Variants in STPG2 observed in about 807,000 individuals in gnomAD.
STPG2 encodes the protein sperm tail PG-rich repeat containing 2.
A neutral mutation model predicts 54.2 loss-of-function variants in STPG2; 56 were observed. The ratio of observed to expected loss-of-function variants is 1.03; its 90% CI spans 0.83 to 1.29. The LOEUF is 1.29. Among genes scored for constraint, STPG2 ranks in the 50% most tolerant of loss-of-function variants. The pLI is 0.00. For missense variants in STPG2, 596 were observed against 544.9 expected (o/e 1.09, Z -0.93); for synonymous variants, 200 against 181.8 (o/e 1.10, Z -0.81).
chr4:98,025,925 C>T (rs1736405885), intron 5 of STPG2: 6 of 1,486,336 alleles, frequency 4.0e-6, no homozygotes, highest in Non-Finnish European at 1.9e-6. Flanking sequence ...CAAATGATTC[C>T]CTGGTTATGA....
chr4:97,762,551 A>G (rs1466258718), intron 9 of STPG2, among the ~76,000 whole-genome samples: 1 of 152,144 alleles, frequency 6.6e-6, no homozygotes, highest in Non-Finnish European at 1.5e-5. Context: ...CACTTACTTC[A>G]ATTATGGGAC....
chr4:97,448,378 T>C (rs1347333513), intron 4 of STPG2, among the ~76,000 whole-genome samples: 1 of 152,114 alleles, frequency 6.6e-6, no homozygotes, highest in East Asian at 1.9e-4. Context: ...AATGATATGG[T>C]TTGGCTCTGT....
intron 7 of STPG2, among the ~76,000 whole-genome samples, chr4:97,963,678 T>C (rs907268789): frequency 2.6e-5 from 4 of 151,422 alleles, no homozygotes; most frequent in Admixed American, 1.3e-4. Flanking sequence ...TAAATACATA[T>C]ATATGTATTT....
chr4:98,016,264 C>G (rs1175505981), intron 5 of STPG2, among the ~76,000 whole-genome samples: 1 of 152,090 alleles, frequency 6.6e-6, no homozygotes, highest in African/African-American at 2.4e-5. Flanking sequence ...TGTGTTTAAT[C>G]TATTTTAGGC....
rs552858676 is a variant in STPG2 at position 97,784,880 on chromosome 4, G to A, written c.1204+55893C>T. On this transcript the variant is annotated intron_variant, in intron 9 of 10. Coordinates refer to ENST00000295268, the MANE Select transcript of STPG2 (RefSeq NM_174952.3). Reference sequence around the variant, plus strand: ...TGCTAATAAAGATGTACCTGAGACTGAGAAGTCTTATGAGAATTACATCTA... The same window carrying A: ...TGCTAATAAAGATGTACCTGAGACTAAGAAGTCTTATGAGAATTACATCTA... Among the ~76,000 whole-genome samples, 29 of 152,136 alleles carry A rather than the reference G, an allele frequency of 1.9e-4. 1 individual carries two copies. Among genetic ancestry groups the A allele is most frequent in the Middle Eastern group, 3.4e-3 (1 of 292 alleles).
Position 97,612,388 on chromosome 4 carries a change from C to CA in STPG2, c.1321-53272dup, listed in dbSNP as rs201516526. On this transcript the variant is annotated intron_variant, in intron 10 of 10. Transcript: ENST00000295268. Reference sequence around the variant, plus strand: ...ATAACCATTCTAGAAAATAATTCAGCAAAAAAAAGAAAACAAATTGGCAAT... The same window carrying CA: ...ATAACCATTCTAGAAAATAATTCAGCAAAAAAAAAGAAAACAAATTGGCAAT... Among the ~76,000 whole-genome samples the CA allele has an allele frequency of 2.1e-3, 317 of 151,402 alleles. 1 individual carries two copies. Among genetic ancestry groups the CA allele is most frequent in the African/African-American group, 7.2e-3 (299 of 41,314 alleles).
At chr4:97,888,141 C>T (rs1253745928) in intron 8 of STPG2, among the ~76,000 whole-genome samples, 1 of 152,180 alleles carries the variant, frequency 6.6e-6, no homozygotes, top group African/African-American at 2.4e-5. Flanking sequence ...CAAAGGGAAC[C>T]CCTACTAGGG....
At chr4:98,118,057 T>A (rs746150113) in intron 3 of STPG2, among the ~76,000 whole-genome samples, 23 of 152,188 alleles carry the variant, frequency 1.5e-4, no homozygotes, top group Non-Finnish European at 2.6e-4. Flanking sequence ...TCAGAATTCC[T>A]ACCCTGAGGG....
chr4:98,119,765 G>A (rs1219996955), intron 3 of STPG2, among the ~76,000 whole-genome samples: 6 of 151,946 alleles, frequency 3.9e-5, no homozygotes, highest in Non-Finnish European at 7.4e-5. Flanking sequence ...ATGGGCCCCA[G>A]TGTGTGTTGT....
At chr4:97,895,528 G>A (rs994183906) in intron 8 of STPG2, among the ~76,000 whole-genome samples, 1 of 151,694 alleles carries the variant, frequency 6.6e-6, no homozygotes, top group Non-Finnish European at 1.5e-5. Flanking sequence ...CATAGCAATG[G>A]TTTGCATGAT....
At chr4:98,025,929 G>T in intron 5 of STPG2, 1 of 1,478,028 alleles carries the variant, frequency 6.8e-7, no homozygotes. Context: ...TGATTCCCTG[G>T]TTATGATTCT....
intron 8 of STPG2, among the ~76,000 whole-genome samples, chr4:97,897,721 G>T (rs761268798): frequency 1.1e-4 from 16 of 152,046 alleles, no homozygotes; most frequent in Non-Finnish European, 1.6e-4. Flanking sequence ...AAAAGTGTGT[G>T]TTCACATCCT....
chr4:97,592,529 A>C (rs1290291169), intron 10 of STPG2, among the ~76,000 whole-genome samples: 4 of 152,140 alleles, frequency 2.6e-5, no homozygotes, highest in African/African-American at 4.8e-5. Context: ...AATTTAACTC[A>C]GGCAGATTCA....
At chr4:98,136,604 A>G (rs1008933826) in intron 1 of STPG2, among the ~76,000 whole-genome samples, 4 of 151,784 alleles carry the variant, frequency 2.6e-5, no homozygotes, top group African/African-American at 9.7e-5. Flanking sequence ...AAGTTGAATC[A>G]TCATAAGTAA....
chr4:97,568,988 G>A (rs139887451), intron 10 of STPG2, among the ~76,000 whole-genome samples: 9 of 151,856 alleles, frequency 5.9e-5, no homozygotes, highest in African/African-American at 1.9e-4. Context: ...CTTGGGCATC[G>A]TGCAAGAAAG....
intron 8 of STPG2, among the ~76,000 whole-genome samples, chr4:97,896,711 T>C (rs1424939691): frequency 4.0e-5 from 6 of 151,778 alleles, no homozygotes; most frequent in Admixed American, 3.9e-4. Flanking sequence ...AATATTTTTA[T>C]ATTTTGTAAA....
rs115238039 is a variant in STPG2, at chr4:97,691,130, C to T, written c.1320+21569G>A. On this transcript the variant is annotated intron_variant, in intron 10 of 10. Coordinates refer to ENST00000295268, the MANE Select transcript of STPG2 (RefSeq NM_174952.3). ...TGAACTTTTTCTCCAAGAACTACCA[C>T]AGGAAGCTATCAGGAAAACTGAGAG... Among the ~76,000 whole-genome samples the T allele has an allele frequency of 6.1e-3, 927 of 152,258 alleles. 12 individuals are homozygous for T. The highest frequency in any genetic ancestry group is 0.021 in the African/African-American group (887 of 41,548).
chr4:97,602,693 G>A (rs1733495390), intron 10 of STPG2, among the ~76,000 whole-genome samples: 1 of 151,472 alleles, frequency 6.6e-6, no homozygotes. Context: ...TGAGATTATT[G>A]CATGATTTTC....
At chr4:97,757,589 G>C (rs684210) in intron 9 of STPG2, among the ~76,000 whole-genome samples, 87,454 of 151,852 alleles carry the variant, frequency 0.58, 25,704 homozygotes, top group East Asian at 0.74. Context: ...ATATATATCC[G>C]TAACACAAAA....
Sources: gnomAD v4.1 joint callset for allele counts (sites outside exome capture counted in the v4.1 genomes callset) on GRCh38, gnomAD v4.1.1 for gene constraint, MANE v1.5 for transcripts, NCBI Gene and HGNC (gene_info 2026-07-23, HGNC 2026-07-21) for gene names.